TRAPPC13: variants seen among roughly 807,000 people sequenced by gnomAD.
TRAPPC13 encodes REV7-interacting novel NHEJ regulator 1.
Under a neutral mutation model 54.0 loss-of-function variants are expected in TRAPPC13, and 39 were observed. The observed-to-expected ratio is 0.72, with a 90% CI of 0.56 to 0.94. TRAPPC13 has a LOEUF of 0.94. Ranked by LOEUF, TRAPPC13 falls within the 40% of genes least tolerant of loss-of-function variation. The pLI is 0.00. For missense variants in TRAPPC13, 386 were observed against 488.1 expected, an observed-to-expected ratio of 0.79 and a Z score of 1.97; for synonymous variants, 148 against 167.7, an observed-to-expected ratio of 0.88 and a Z score of 0.91.
At chr5:65,661,930 T>C in intron 10 of TRAPPC13, 120 bp from the exon 11 acceptor site, 1 of 589,328 alleles carries the variant, frequency 1.7e-6, no homozygotes, top group East Asian at 3.3e-5. Context: ...AGAAGTATTT[T>C]CTTAGAACAT....
intron 10 of TRAPPC13, chr5:65,661,781 T>A: frequency 3.6e-6 from 1 of 276,086 alleles, no homozygotes. Flanking sequence ...ATTTCTTTAC[T>A]GACTACTTAC....
At chr5:65,626,811 C>CT (rs1755256351) in intron 1 of TRAPPC13, among the ~76,000 whole-genome samples, 2 of 151,622 alleles carry the variant, frequency 1.3e-5, no homozygotes. Flanking sequence ...TTCTGTTATT[C>CT]TTTTTTTTCC....
At chr5:65,635,430 A>G (rs1434967530) in intron 2 of TRAPPC13, 61 bp downstream of exon 2, 1 of 1,353,852 alleles carries the variant, frequency 7.4e-7, no homozygotes, top group Non-Finnish European at 1.1e-6. Flanking sequence ...AATTGCCTGC[A>G]TTACCTTGGA....
At chr5:65,658,529 C>T (rs1267906492) in intron 9 of TRAPPC13, 28 bp downstream of exon 9, 1 of 1,488,940 alleles carries the variant, frequency 6.7e-7, no homozygotes, top group Non-Finnish European at 9.0e-7. Flanking sequence ...AAGTCTTTAT[C>T]CTTGTTTTGA....
intron 9 of TRAPPC13, among the ~76,000 whole-genome samples, chr5:65,659,136 TGTTTTTG>T (rs748158016): frequency 5.3e-5 from 8 of 152,230 alleles, no homozygotes; most frequent in Non-Finnish European, 8.8e-5. Flanking sequence ...TATGTTTTAT[TGTTTTTG>T]GTTTTTGGTT....
chr5:65,655,099 A>C (rs951992325), intron 7 of TRAPPC13, among the ~76,000 whole-genome samples: 1 of 152,212 alleles, frequency 6.6e-6, no homozygotes, highest in Admixed American at 6.5e-5. Flanking sequence ...GCTAACTATG[A>C]AATCTACTAA....
chr5:65,631,180 A>G (rs1017374696), intron 1 of TRAPPC13, among the ~76,000 whole-genome samples: 3 of 152,206 alleles, frequency 2.0e-5, no homozygotes, highest in South Asian at 2.1e-4. Context: ...TGTCATTACT[A>G]CTATTAAACA....
chr5:65,625,339 T>C, intron 1 of TRAPPC13: 1 of 452,182 alleles, frequency 2.2e-6, no homozygotes, highest in Non-Finnish European at 3.9e-6. Flanking sequence ...TCTGTGCTGC[T>C]TCAGTCACGA....
chr5:65,633,495 C>G (rs567738932), intron 1 of TRAPPC13, among the ~76,000 whole-genome samples: 10 of 152,066 alleles, frequency 6.6e-5, no homozygotes, highest in Non-Finnish European at 1.3e-4. Context: ...GTCTCGATCT[C>G]CTGACCTCGT....
At chr5:65,628,754 A>AG (rs1755375321) in intron 1 of TRAPPC13, among the ~76,000 whole-genome samples, 1 of 151,932 alleles carries the variant, frequency 6.6e-6, no homozygotes, top group South Asian at 2.1e-4. Flanking sequence ...TACAGGCATG[A>AG]GCCACCGCAC....
intron 1 of TRAPPC13, among the ~76,000 whole-genome samples, chr5:65,626,535 A>G (rs572449605): frequency 2.0e-5 from 3 of 152,142 alleles, no homozygotes; most frequent in South Asian, 4.2e-4. Flanking sequence ...CAAGAGATCA[A>G]GACCATCCTG....
At chr5:65,661,134 G>C in intron 10 of TRAPPC13, 2 of 331,096 alleles carry the variant, frequency 6.0e-6, no homozygotes, top group Non-Finnish European at 5.3e-6. Flanking sequence ...TTATCACACA[G>C]AAATTAAAAT....
intron 4 of TRAPPC13, among the ~76,000 whole-genome samples, chr5:65,640,618 A>G (rs965455765): frequency 6.6e-6 from 1 of 152,250 alleles, no homozygotes; most frequent in African/African-American, 2.4e-5. Context: ...AAGTTTGAGA[A>G]CATATACTTT....
At chr5:65,631,680 C>T (rs963303262) in intron 1 of TRAPPC13, among the ~76,000 whole-genome samples, 10 of 152,098 alleles carry the variant, frequency 6.6e-5, no homozygotes, top group African/African-American at 2.4e-4. Context: ...GTTGCATCTA[C>T]GTTGCTGCAA....
chr5:65,652,472 C>A (rs749760923), intron 6 of TRAPPC13, 29 bp from the exon 7 acceptor site: 13 of 1,523,094 alleles, frequency 8.5e-6, no homozygotes, highest in Non-Finnish European at 1.0e-5. Context: ...TGATAACAAT[C>A]TCCTGATTGA....
At chr5:65,625,596 A>C (rs1755178359) in intron 1 of TRAPPC13, 1 of 153,272 alleles carries the variant, frequency 6.5e-6, no homozygotes, top group African/African-American at 2.4e-5. Flanking sequence ...ACTTCAAATC[A>C]CTGTGTATGT....
chr5:65,655,629 C>A lies in TRAPPC13; in HGVS notation c.547-7C>A. On this transcript the variant is annotated splice_region_variant and splice_polypyrimidine_tract_variant and intron_variant, in intron 7 of 12. Transcript: ENST00000399438. ...TTTCTAATTATTCTTTTTTATTTTT[C>A]CATTAGAGTGACCTCAGTTCTGTGG... 1.2e-6 allele frequency: 1 copy of A among 802,298 alleles called. No individual in the cohort carries two copies. Among genetic ancestry groups the A allele is most frequent in the Non-Finnish European group, 1.8e-6 (1 of 571,390 alleles). 49.7% of individuals were successfully genotyped at this position (802,298 alleles called of 1,614,324 possible). A position where few individuals can be genotyped will look rare whatever the true frequency, so the allele number is the denominator to read the frequency against.
chr5:65,627,016 C>T (rs935809568), intron 1 of TRAPPC13, among the ~76,000 whole-genome samples: 6 of 150,186 alleles, frequency 4.0e-5, no homozygotes, highest in African/African-American at 1.5e-4. Flanking sequence ...GGTGTAATCC[C>T]AGCTACTCGG....
Position 65,650,898 on chromosome 5 carries a change from A to C in TRAPPC13, c.501+16A>C. 4 of 1,579,508 alleles carry C rather than the reference A, an allele frequency of 2.5e-6. No individual in the cohort carries two copies. Among genetic ancestry groups the C allele is most frequent in the Non-Finnish European group, 3.5e-6 (4 of 1,149,318 alleles). ...CAAATTTCAGGTATTGAATATGACAATGGTAAATAGTTTTTATATGCCTTT... is the reference window on the plus strand; with the variant it reads ...CAAATTTCAGGTATTGAATATGACACTGGTAAATAGTTTTTATATGCCTTT... On this transcript the variant is annotated intron_variant, in intron 6 of 12. Coordinates refer to ENST00000399438, the MANE Select transcript of TRAPPC13 (RefSeq NM_024941.4).
Sources: gnomAD v4.1 joint callset for allele counts (sites outside exome capture counted in the v4.1 genomes callset) on GRCh38, gnomAD v4.1.1 for gene constraint, MANE v1.5 for transcripts, NCBI Gene and HGNC (gene_info 2026-07-23, HGNC 2026-07-21) for gene names.